The following SBF2 variants were observed in gnomAD, a reference collection of about 807,000 sequenced individuals.
SBF2 encodes SET binding factor 2.
Under a neutral mutation model 225.2 loss-of-function variants are expected in SBF2, and 112 were observed. The ratio of observed to expected loss-of-function variants is 0.50; its 90% CI spans 0.43 to 0.58. The LOEUF is 0.58. Ranked by LOEUF, SBF2 falls within the 20% of genes least tolerant of loss-of-function variation. SBF2 has a pLI of 0.00. For synonymous variants in SBF2, 763 were observed against 773.3 expected, an observed-to-expected ratio of 0.99 and a Z score of 0.22; for missense variants, 1,996 against 2,206.2, an observed-to-expected ratio of 0.90 and a Z score of 1.91.
At chr11:9,952,539 T>G (rs1369700580) in intron 16 of SBF2, among the ~76,000 whole-genome samples, 1 of 152,210 alleles carries the variant, frequency 6.6e-6, no homozygotes, top group East Asian at 1.9e-4. Context: ...TCGGGTCTGC[T>G]AAGTAAAGAT....
chr11:10,239,696 T>C (rs1358059556), intron 1 of SBF2, among the ~76,000 whole-genome samples: 1 of 137,992 alleles, frequency 7.2e-6, no homozygotes, highest in Non-Finnish European at 1.7e-5. Flanking sequence ...ATCATTAATG[T>C]TTTTTATTTT....
chr11:10,060,925 G>A (rs1687986719), intron 2 of SBF2, among the ~76,000 whole-genome samples: 1 of 152,130 alleles, frequency 6.6e-6, no homozygotes, highest in Non-Finnish European at 1.5e-5. Flanking sequence ...CTACTCCGGA[G>A]GCTGAGGCAG....
chr11:9,843,251 C>T (rs1856294150), intron 24 of SBF2, among the ~76,000 whole-genome samples: 1 of 152,212 alleles, frequency 6.6e-6, no homozygotes, highest in Non-Finnish European at 1.5e-5. Context: ...GTTGGCAACA[C>T]ATTTGCTTAT....
intron 1 of SBF2, among the ~76,000 whole-genome samples, chr11:10,273,266 A>G (rs938885396): frequency 6.6e-6 from 1 of 152,234 alleles, no homozygotes; most frequent in African/African-American, 2.4e-5. Context: ...ACAAGCTTTC[A>G]GAAATCATTA....
At chr11:10,166,209 T>C (rs983945904) in intron 2 of SBF2, among the ~76,000 whole-genome samples, 3 of 152,176 alleles carry the variant, frequency 2.0e-5, no homozygotes, top group African/African-American at 7.2e-5. Flanking sequence ...TTGACAAGGG[T>C]ATTGTATACA....
chr11:9,968,629 A>C, intron 13 of SBF2, 84 bp from the exon 14 acceptor site: 1 of 1,088,116 alleles, frequency 9.2e-7, no homozygotes, highest in Non-Finnish European at 1.4e-6. Context: ...GCTTACAGGG[A>C]CACGAGCTGG....
chr11:9,876,397 A>G (rs940717522), intron 17 of SBF2, among the ~76,000 whole-genome samples: 17 of 152,146 alleles, frequency 1.1e-4, no homozygotes, highest in Non-Finnish European at 1.9e-4. Flanking sequence ...TTGAAACCCT[A>G]TCTCCATCCA....
chr11:10,071,362 G>T (rs1325223663), intron 2 of SBF2, among the ~76,000 whole-genome samples: 1 of 147,894 alleles, frequency 6.8e-6, no homozygotes, highest in Non-Finnish European at 1.5e-5. Flanking sequence ...TGCCTCCCAG[G>T]TTCACACCAT....
At chr11:10,225,763 G>A (rs1958514788) in intron 1 of SBF2, among the ~76,000 whole-genome samples, 1 of 152,062 alleles carries the variant, frequency 6.6e-6, no homozygotes, top group Non-Finnish European at 1.5e-5. Flanking sequence ...TTCTTCCCAA[G>A]AACATTTCAT....
At chr11:10,211,014 C>CAAAAAAAAAAAAAATAAAAAAAAAAAAA (rs1957924598) in intron 1 of SBF2, among the ~76,000 whole-genome samples, 1 of 33,054 alleles carries the variant, frequency 3.0e-5, no homozygotes, top group Non-Finnish European at 6.5e-5. Flanking sequence ...ACTCTTGACT[C>CAAAAAAAAAAAAAATAAAAAAAAAAAAA]AAAAAAAAAA....
At chr11:10,161,900 G>A (rs1037814591) in intron 2 of SBF2, among the ~76,000 whole-genome samples, 5 of 152,150 alleles carry the variant, frequency 3.3e-5, no homozygotes, top group East Asian at 1.9e-4. Flanking sequence ...CAGCAAGAGT[G>A]CTTGAGCCCA....
rs937699548 is a variant in SBF2, at chr11:10,218,874, C to T, written c.56-24887G>A. ...AGGCCATGCTGATGCCAGAGGTGGGCTCCCACAGCCCTGTGCAGCTTGATT... is the reference window on the plus strand; with the variant it reads ...AGGCCATGCTGATGCCAGAGGTGGGTTCCCACAGCCCTGTGCAGCTTGATT... On this transcript the variant is annotated intron_variant, in intron 1 of 39. Transcript: ENST00000256190. Among the ~76,000 whole-genome samples, 4 of 152,352 alleles carry T rather than the reference C, an allele frequency of 2.6e-5. No individual in the cohort carries two copies. In the East Asian group the frequency reaches 7.7e-4, roughly 29 times the overall value.
At chr11:10,094,591 C>T (rs1951939208) in intron 2 of SBF2, among the ~76,000 whole-genome samples, 1 of 139,402 alleles carries the variant, frequency 7.2e-6, no homozygotes, top group African/African-American at 2.6e-5. Context: ...CAATCTCTGC[C>T]TCCGAGGTTC....
intron 16 of SBF2, among the ~76,000 whole-genome samples, chr11:9,934,345 A>G (rs185080686): frequency 7.9e-5 from 12 of 152,338 alleles, no homozygotes; most frequent in Admixed American, 3.9e-4. Context: ...GTCCAGAAGC[A>G]GACGGATTCA....
chr11:9,805,958 G>C (rs1447652564), intron 32 of SBF2, among the ~76,000 whole-genome samples: 1 of 152,204 alleles, frequency 6.6e-6, no homozygotes, highest in Non-Finnish European at 1.5e-5. Flanking sequence ...GGTGGTAAGA[G>C]CATGAACAAG....
intron 2 of SBF2, among the ~76,000 whole-genome samples, chr11:10,153,092 G>C (rs2078861499): frequency 6.6e-6 from 1 of 152,152 alleles, no homozygotes; most frequent in Non-Finnish European, 1.5e-5. Flanking sequence ...GTAGATAGTG[G>C]GATGTCCCTG....
At chr11:10,201,883 A>T (rs1423252273) in intron 1 of SBF2, among the ~76,000 whole-genome samples, 1 of 152,232 alleles carries the variant, frequency 6.6e-6, no homozygotes, top group Non-Finnish European at 1.5e-5. Context: ...CAAATAAAAA[A>T]ATGCATTTTT....
intron 14 of SBF2, among the ~76,000 whole-genome samples, chr11:9,966,480 T>C (rs182178324): frequency 9.0e-4 from 137 of 152,306 alleles, no homozygotes; most frequent in African/African-American, 3.2e-3. Context: ...TATACATGCA[T>C]CTAATTAACC....
At chr11:10,195,048 G>A (rs1957309292) in intron 1 of SBF2, among the ~76,000 whole-genome samples, 1 of 152,220 alleles carries the variant, frequency 6.6e-6, no homozygotes, top group Non-Finnish European at 1.5e-5. Flanking sequence ...ACTGTTACTG[G>A]TTAAAGTTTC....
Sources: gnomAD v4.1 joint callset for allele counts (sites outside exome capture counted in the v4.1 genomes callset) on GRCh38, gnomAD v4.1.1 for gene constraint, MANE v1.5 for transcripts, NCBI Gene and HGNC (gene_info 2026-07-23, HGNC 2026-07-21) for gene names.